The following RALYL variants were observed in gnomAD, a reference collection of about 807,000 sequenced individuals.
RALYL encodes RNA-binding Raly-like protein.
RALYL carries 29 observed loss-of-function variants against 35.1 expected under a neutral mutation model. That is an observed-to-expected ratio of 0.83 (90% confidence interval 0.61 to 1.13). The LOEUF (loss-of-function observed/expected upper bound fraction) is 1.13. RALYL is among the 50% of genes most tolerant of loss of function. The pLI is 0.00. For synonymous variants in RALYL, 120 were observed against 127.6 expected, an observed-to-expected ratio of 0.94 and a Z score of 0.40; for missense variants, 359 against 360.4, an observed-to-expected ratio of 1.00 and a Z score of 0.03.
intron 2 of RALYL, among the ~76,000 whole-genome samples, chr8:84,688,487 G>A (rs1322182945): frequency 6.6e-6 from 1 of 151,976 alleles, no homozygotes; most frequent in African/African-American, 2.4e-5. Flanking sequence ...AAATCACTTC[G>A]ATAAGTGTTG....
chr8:84,585,091 G>A (rs558818012), intron 2 of RALYL, among the ~76,000 whole-genome samples: 1 of 152,252 alleles, frequency 6.6e-6, no homozygotes, highest in East Asian at 1.9e-4. Context: ...CCTTCTCCCA[G>A]CATATGTGCT....
chr8:84,298,958 C>T (rs952158801), intron 1 of RALYL, among the ~76,000 whole-genome samples: 3 of 151,848 alleles, frequency 2.0e-5, no homozygotes, highest in East Asian at 1.9e-4. Context: ...GGAGCTTTTG[C>T]GAAGAGACTA....
rs144502613 is a variant in RALYL at position 84,704,353 on chromosome 8, A to T, written c.257-70226A>T. On this transcript the variant is annotated intron_variant, in intron 2 of 8. Coordinates refer to ENST00000521268, the MANE Select transcript of RALYL (RefSeq NM_173848.7). Reference sequence around the variant, plus strand: ...GGCAGGAGAATCGCTTGAACCTGGGAGGCAGAGTTTGCAGTGAGCCTAGAT... The same window carrying T: ...GGCAGGAGAATCGCTTGAACCTGGGTGGCAGAGTTTGCAGTGAGCCTAGAT... Among the ~76,000 whole-genome samples, 329 of 152,006 alleles carry T rather than the reference A, an allele frequency of 2.2e-3. 5 individuals are homozygous for T. In the East Asian group the frequency reaches 0.045, roughly 21 times the overall value.
At chr8:84,511,147 C>A (rs1363803635) in intron 1 of RALYL, among the ~76,000 whole-genome samples, 1 of 152,106 alleles carries the variant, frequency 6.6e-6, no homozygotes, top group African/African-American at 2.4e-5. Flanking sequence ...ACAACTTATT[C>A]TGCTTTCAGG....
intron 1 of RALYL, among the ~76,000 whole-genome samples, chr8:84,393,472 C>T (rs1205631805): frequency 2.0e-5 from 3 of 152,042 alleles, no homozygotes; most frequent in African/African-American, 7.2e-5. Context: ...CACAGAAGTA[C>T]ATCCCTTCAA....
intron 1 of RALYL, among the ~76,000 whole-genome samples, chr8:84,524,400 G>C (rs966829136): frequency 1.3e-5 from 2 of 152,152 alleles, no homozygotes; most frequent in Admixed American, 6.5e-5. Context: ...ACCACAAAGA[G>C]ATACCATCTC....
intron 1 of RALYL, among the ~76,000 whole-genome samples, chr8:84,352,450 A>G (rs1437345287): frequency 6.6e-6 from 1 of 150,484 alleles, no homozygotes; most frequent in Non-Finnish European, 1.5e-5. Flanking sequence ...GCCATTTAGG[A>G]TATTTGTTAT....
chr8:84,261,105 A>AG (rs918267144), intron 1 of RALYL, among the ~76,000 whole-genome samples: 2 of 35,142 alleles, frequency 5.7e-5, no homozygotes, highest in Non-Finnish European at 1.1e-4. Flanking sequence ...AGTTATTTAC[A>AG]GGTTTTTTTT....
intron 1 of RALYL, among the ~76,000 whole-genome samples, chr8:84,335,319 A>G (rs929416144): frequency 1.3e-5 from 2 of 152,142 alleles, no homozygotes; most frequent in Admixed American, 6.5e-5. Context: ...TTGCTCCCAG[A>G]TGAAGCTGTC....
At chr8:84,264,449 G>GTT (rs373596991) in intron 1 of RALYL, among the ~76,000 whole-genome samples, 25 of 121,256 alleles carry the variant, frequency 2.1e-4, no homozygotes, top group East Asian at 4.8e-4. Context: ...CTTTTTAATG[G>GTT]TTTTTTTTTT....
intron 8 of RALYL, among the ~76,000 whole-genome samples, chr8:84,905,860 T>C (rs533633744): frequency 1.2e-3 from 176 of 152,224 alleles, no homozygotes; most frequent in African/African-American, 4.1e-3. Context: ...TACATGATAG[T>C]AATACTCCTG....
At chr8:84,643,040 T>C (rs1323250485) in intron 2 of RALYL, among the ~76,000 whole-genome samples, 1 of 151,792 alleles carries the variant, frequency 6.6e-6, no homozygotes, top group East Asian at 1.9e-4. Context: ...ATCTGGAGAA[T>C]GAAGTTGGAA....
At chr8:84,273,733 C>A (rs1834791391) in intron 1 of RALYL, among the ~76,000 whole-genome samples, 1 of 152,188 alleles carries the variant, frequency 6.6e-6, no homozygotes, top group Non-Finnish European at 1.5e-5. Flanking sequence ...TGTAAGACTC[C>A]ATTGTTAACA....
rs1033878858 is a variant in RALYL at position 84,552,436 on chromosome 8, T to C, written c.256+22859T>C. 2.1e-5 allele frequency among the ~76,000 whole-genome samples: 3 copies of C among 143,222 alleles called. No individual in the cohort carries two copies. In the Admixed American group the frequency reaches 2.2e-4, roughly 10 times the overall value. The allele number at this position is 143,222 out of a possible 152,430, so 94.0% of individuals were successfully genotyped here. A position where few individuals can be genotyped will look rare whatever the true frequency, so the allele number is the denominator to read the frequency against. On this transcript the variant is annotated intron_variant, in intron 2 of 8. Coordinates refer to ENST00000521268, the MANE Select transcript of RALYL (RefSeq NM_173848.7). ...AGCTCTGTCAAACTGGTGCCATTGT[T>C]GGTGATTAACTGGATGACTCTGTCT...
chr8:84,688,666 G>A (rs952801501), intron 2 of RALYL, among the ~76,000 whole-genome samples: 2 of 151,912 alleles, frequency 1.3e-5, no homozygotes, highest in African/African-American at 4.8e-5. Flanking sequence ...ATTAATCTGG[G>A]CAATGCTTTT....
At chr8:84,281,244 A>T (rs1459738238) in intron 1 of RALYL, among the ~76,000 whole-genome samples, 1 of 152,158 alleles carries the variant, frequency 6.6e-6, no homozygotes, top group African/African-American at 2.4e-5. Context: ...GGATGCCTAA[A>T]TATCTCTGGG....
intron 1 of RALYL, among the ~76,000 whole-genome samples, chr8:84,239,753 T>C (rs1318588041): frequency 6.6e-6 from 1 of 151,822 alleles, no homozygotes; most frequent in Non-Finnish European, 1.5e-5. Context: ...TAGCCAGACG[T>C]GGTGGTGTGT....
intron 1 of RALYL, among the ~76,000 whole-genome samples, chr8:84,260,875 A>G (rs1166579512): frequency 1.3e-5 from 2 of 152,150 alleles, no homozygotes; most frequent in African/African-American, 4.8e-5. Context: ...GAGTAAACCA[A>G]TTTGTGATTA....
At chr8:84,638,707 A>G (rs765416259) in intron 2 of RALYL, among the ~76,000 whole-genome samples, 6 of 151,166 alleles carry the variant, frequency 4.0e-5, no homozygotes, top group Non-Finnish European at 8.9e-5. Flanking sequence ...TGCAGTGTAC[A>G]GTGGCAATAA....
Sources: gnomAD v4.1 joint callset for allele counts (sites outside exome capture counted in the v4.1 genomes callset) on GRCh38, gnomAD v4.1.1 for gene constraint, MANE v1.5 for transcripts, NCBI Gene and HGNC (gene_info 2026-07-23, HGNC 2026-07-21) for gene names.